The following TSHZ3 variants were observed in gnomAD, a reference collection of about 807,000 sequenced individuals.
TSHZ3 encodes the protein teashirt homolog 3.
TSHZ3 carries 10 observed loss-of-function variants against 64.5 expected under a neutral mutation model. The ratio of observed to expected loss-of-function variants is 0.16; its 90% CI spans 0.10 to 0.26. The LOEUF is 0.26. TSHZ3 is among the 10% of genes least tolerant of loss of function. The pLI, the probability that TSHZ3 is intolerant of heterozygous loss-of-function variation, is 1.00. For missense variants in TSHZ3, 1,242 were observed against 1,421.7 expected (o/e 0.87, Z 2.03); for synonymous variants, 608 against 593.1 (o/e 1.03, Z -0.36).
chr19:31,277,303 GACGGCAGA>G lies in TSHZ3; in HGVS notation c.2482_2489del (p.Ser828ArgfsTer43). 6.2e-7 allele frequency: 1 copy of G among 1,613,486 alleles called. No homozygotes were observed. The highest frequency in any genetic ancestry group is 8.5e-7 in the Non-Finnish European group (1 of 1,179,414). ...GCGGCGAGTTTGACATGAATGATACGACGGCAGATGTCTTTGCCGTTGTCACCGTGGAT... is the reference window on the plus strand; with the variant it reads ...GCGGCGAGTTTGACATGAATGATACGTGTCTTTGCCGTTGTCACCGTGGAT... On this transcript the variant is annotated frameshift_variant, in exon 2 of 2. Coordinates refer to ENST00000240587, the MANE Select transcript of TSHZ3 (RefSeq NM_020856.4). LOFTEE classifies it high-confidence loss of function. This position sits in a 1 kb window ranked among gnomAD's most constrained non-coding sequence, Gnocchi z 4.5.
chr19:31,158,529 T>C (rs1974333828), intron 5 of TSHZ3, among the ~76,000 whole-genome samples: 1 of 152,124 alleles, frequency 6.6e-6, no homozygotes, highest in Non-Finnish European at 1.5e-5. Flanking sequence ...GTCCCCAGCC[T>C]TTTTGGTACT....
intron 5 of TSHZ3, among the ~76,000 whole-genome samples, chr19:31,169,572 C>G (rs781039377): frequency 6.6e-6 from 1 of 152,062 alleles, no homozygotes; most frequent in African/African-American, 2.4e-5. Context: ...TATGAATGCA[C>G]TTAATACCAC....
intron 1 of TSHZ3, among the ~76,000 whole-genome samples, chr19:31,260,518 C>A (rs1053611837): frequency 6.6e-6 from 1 of 152,232 alleles, no homozygotes; most frequent in Non-Finnish European, 1.5e-5. Context: ...GGAACTCTGG[C>A]TGACAGGCTA....
intron 5 of TSHZ3, among the ~76,000 whole-genome samples, chr19:31,194,769 T>C (rs1974960586): frequency 6.6e-6 from 1 of 152,164 alleles, no homozygotes; most frequent in Non-Finnish European, 1.5e-5. Context: ...ACAGAAATGT[T>C]GGAATGATCA....
chr19:31,261,164 G>A lies in TSHZ3; in HGVS notation n.64-18289C>T, dbSNP rs142202827. 4.5e-3 allele frequency among the ~76,000 whole-genome samples: 685 copies of A among 152,208 alleles called. 10 individuals carry two copies. Among genetic ancestry groups the A allele is most frequent in the African/African-American group, 0.016 (656 of 41,524 alleles). On this transcript the variant is annotated intron_variant and non_coding_transcript_variant, in intron 1 of 6. Transcript: ENST00000651361. Reference sequence around the variant, plus strand: ...GCCCAAGGGCTCTCCCACCCCTGGCGCCCTGTAGGCAGAACATCTGTGGAC... The same window carrying A: ...GCCCAAGGGCTCTCCCACCCCTGGCACCCTGTAGGCAGAACATCTGTGGAC...
chr19:31,238,805 C>T (rs946955131), intron 3 of TSHZ3, among the ~76,000 whole-genome samples: 6 of 152,190 alleles, frequency 3.9e-5, no homozygotes, highest in African/African-American at 1.4e-4. Flanking sequence ...CTACAGATAG[C>T]ATCGAGTTGG....
chr19:31,206,621 A>C (rs897348321), intron 4 of TSHZ3, among the ~76,000 whole-genome samples: 1 of 152,308 alleles, frequency 6.6e-6, no homozygotes, highest in Non-Finnish European at 1.5e-5. Flanking sequence ...CTTAAACTGC[A>C]GCAAGAAAAT....
At chr19:31,345,677 T>G (rs1217110596) in intron 1 of TSHZ3, among the ~76,000 whole-genome samples, 1 of 140,336 alleles carries the variant, frequency 7.1e-6, no homozygotes, top group African/African-American at 2.4e-5. Context: ...TTTCTTTTTG[T>G]TTTTTGTTTG....
chr19:31,310,969 C>T (rs985803004), intron 1 of TSHZ3, among the ~76,000 whole-genome samples: 1 of 152,218 alleles, frequency 6.6e-6, no homozygotes, highest in African/African-American at 2.4e-5. Context: ...CACTGGGCCC[C>T]ACCCTTGCAG....
chr19:31,334,836 AT>A (rs1271226112), intron 1 of TSHZ3, among the ~76,000 whole-genome samples: 1 of 152,152 alleles, frequency 6.6e-6, no homozygotes, highest in Non-Finnish European at 1.5e-5. Context: ...CAGAGAATCC[AT>A]AACCTGGGGA....
chr19:31,242,169 A>AAGACAGCTTT (rs1243205195), intron 3 of TSHZ3, among the ~76,000 whole-genome samples: 1 of 152,198 alleles, frequency 6.6e-6, no homozygotes, highest in Non-Finnish European at 1.5e-5. Context: ...TCCCTTCCAG[A>AAGACAGCTTT]AGACAGCTTT....
chr19:31,296,489 C>T (rs956155056), intron 1 of TSHZ3, among the ~76,000 whole-genome samples: 2 of 152,042 alleles, frequency 1.3e-5, no homozygotes, highest in African/African-American at 4.8e-5. Context: ...TGCCCGCCAC[C>T]ATGCCTGGCT....
At chr19:31,324,034 A>G (rs1212050723) in intron 1 of TSHZ3, among the ~76,000 whole-genome samples, 1 of 152,044 alleles carries the variant, frequency 6.6e-6, no homozygotes, top group Non-Finnish European at 1.5e-5. Context: ...CACAACCAAA[A>G]GCAGGAGGAA....
At chr19:31,289,245 C>T (rs1976519804) in intron 1 of TSHZ3, among the ~76,000 whole-genome samples, 1 of 152,202 alleles carries the variant, frequency 6.6e-6, no homozygotes, top group Admixed American at 6.5e-5. Flanking sequence ...GTAAAGGCCT[C>T]TGGGTCTCCC....
chr19:31,293,384 C>T (rs1976608321), intron 1 of TSHZ3, among the ~76,000 whole-genome samples: 1 of 152,200 alleles, frequency 6.6e-6, no homozygotes, highest in South Asian at 2.1e-4. Context: ...AACCAAGCCC[C>T]ACTTTACCTT....
chr19:31,304,653 A>G (rs1568375322), intron 1 of TSHZ3, among the ~76,000 whole-genome samples: 1 of 152,222 alleles, frequency 6.6e-6, no homozygotes, highest in African/African-American at 2.4e-5. Context: ...AATATTTTAT[A>G]GCATATGTGA....
chr19:31,331,055 G>C (rs1456527449), intron 1 of TSHZ3, among the ~76,000 whole-genome samples: 3 of 152,190 alleles, frequency 2.0e-5, no homozygotes, highest in Non-Finnish European at 2.9e-5. Context: ...CCCAACGGCA[G>C]AGTTATGACT....
chr19:31,301,562 C>A (rs1056116091), intron 1 of TSHZ3, among the ~76,000 whole-genome samples: 5 of 152,142 alleles, frequency 3.3e-5, no homozygotes, highest in African/African-American at 1.2e-4. Context: ...GACATGCCTG[C>A]GGGAAGGCAC....
chr19:31,226,806 C>G (rs1265976016), intron 4 of TSHZ3, among the ~76,000 whole-genome samples: 1 of 151,990 alleles, frequency 6.6e-6, no homozygotes, highest in Non-Finnish European at 1.5e-5. Flanking sequence ...CTTTCAGACT[C>G]AAAAACATCT....
Sources: allele counts gnomAD v4.1 joint callset (sites outside exome capture counted in the v4.1 genomes callset), GRCh38; gene constraint gnomAD v4.1.1; non-coding constraint Gnocchi (gnomAD v3.1); transcripts MANE v1.5; gene names NCBI Gene and HGNC (gene_info 2026-07-23, HGNC 2026-07-21).